The following LIPA variants were observed in gnomAD, a reference collection of about 807,000 sequenced individuals.
LIPA encodes the protein lysosomal acid lipase/cholesteryl ester hydrolase.
In LIPA, 26 loss-of-function variants were observed where a neutral mutation model predicts 40.6. The ratio of observed to expected loss-of-function variants is 0.64; its 90% CI spans 0.47 to 0.89. The LOEUF is 0.89. Ranked by LOEUF, LIPA falls within the 40% of genes least tolerant of loss-of-function variation. LIPA has a pLI of 0.00. For missense variants in LIPA, 455 were observed against 479.6 expected (o/e 0.95, Z 0.48); for synonymous variants, 188 against 168.4 (o/e 1.12, Z -0.90).
chr10:89,241,532 C>G (rs956323922), intron 3 of LIPA, among the ~76,000 whole-genome samples: 1 of 152,128 alleles, frequency 6.6e-6, no homozygotes, highest in African/African-American at 2.4e-5. Flanking sequence ...TAGAAATCAA[C>G]CAGAATTCTA....
chr10:89,333,861 A>G (rs528195354), intron 1 of LIPA, among the ~76,000 whole-genome samples: 6 of 152,310 alleles, frequency 3.9e-5, no homozygotes, highest in Admixed American at 2.0e-4. Flanking sequence ...CTGAATCCAG[A>G]TCTGCATTTT....
intron 1 of LIPA, among the ~76,000 whole-genome samples, chr10:89,323,992 G>C (rs143899879): frequency 6.6e-6 from 1 of 152,120 alleles, no homozygotes; most frequent in African/African-American, 2.4e-5. Flanking sequence ...AAAGAACAAA[G>C]CTGGAGGCAT....
At chr10:89,293,865 AG>A (rs375295158) in intron 1 of LIPA, among the ~76,000 whole-genome samples, 108 of 152,270 alleles carry the variant, frequency 7.1e-4, no homozygotes, top group African/African-American at 2.6e-3. Context: ...AGTTACGTTG[AG>A]GGTTAGGGCT....
intron 2 of LIPA, among the ~76,000 whole-genome samples, chr10:89,355,971 A>G (rs1050869610): frequency 6.6e-6 from 1 of 152,182 alleles, no homozygotes; most frequent in African/African-American, 2.4e-5. Context: ...GCATATAATC[A>G]AGAAATAACT....
chr10:89,339,365 C>G (rs1216085808), intron 1 of LIPA: 1 of 1,613,698 alleles, frequency 6.2e-7, no homozygotes, highest in African/African-American at 1.3e-5. Context: ...TTGGAAAAGT[C>G]TCCTTGCCAA....
Position 89,248,020 on chromosome 10 carries a change from A to G in LIPA, c.-1-371T>C, listed in dbSNP as rs554395008. ...GTAGCTGGGACAACAGGCACGCACCACCACGCCTGGCTAATTTTTGTATTT... is the reference window on the plus strand; with the variant it reads ...GTAGCTGGGACAACAGGCACGCACCGCCACGCCTGGCTAATTTTTGTATTT... On this transcript the variant is annotated intron_variant, in intron 1 of 9. Transcript: ENST00000336233. Among the ~76,000 whole-genome samples, 251 of 151,804 alleles carry G rather than the reference A, an allele frequency of 1.7e-3. 2 individuals are homozygous for G. The highest frequency in any genetic ancestry group is 5.7e-3 in the African/African-American group (237 of 41,356).
At chr10:89,242,010 A>T (rs1336567634) in intron 3 of LIPA, among the ~76,000 whole-genome samples, 1 of 152,150 alleles carries the variant, frequency 6.6e-6, no homozygotes, top group Non-Finnish European at 1.5e-5. Flanking sequence ...TCTAGAACAC[A>T]GGTTGCCAAA....
upstream of LIPA, chr10:89,414,627 G>C (rs1011966347): frequency 1.4e-5 from 8 of 561,842 alleles, no homozygotes; most frequent in Middle Eastern, 4.7e-4. Flanking sequence ...CTGGGGCTGG[G>C]GTCTCTCCTT....
chr10:89,353,391 A>T lies in LIPA; in HGVS notation c.61+59400T>A, dbSNP rs183014864. Among the ~76,000 whole-genome samples, 5 of 152,334 alleles carry T rather than the reference A, an allele frequency of 3.3e-5. No homozygotes were observed. In the East Asian group the frequency reaches 9.6e-4, roughly 29 times the overall value. On this transcript the variant is annotated intron_variant, in intron 2 of 8. Coordinates refer to the LIPA transcript ENST00000371837. ...CACAATTTCAGTAAACACACTGAGC[A>T]TGCAGCCCCAGCCCCTCCCAAGTGC...
rs1285275189 is a variant in LIPA at position 89,317,647 on chromosome 10, G to T, written c.-2+24964C>A. ...AACCAAGTTGGAAAACACTCTGCAG[G>T]ATATTATGCAGGAGAACTTCCCCAA... On this transcript the variant is annotated intron_variant, in intron 1 of 5. Transcript: ENST00000282673. 2.0e-5 allele frequency among the ~76,000 whole-genome samples: 3 copies of T among 152,208 alleles called. No homozygotes were observed. In the East Asian group the frequency reaches 5.8e-4, roughly 29 times the overall value.
intron 1 of LIPA, among the ~76,000 whole-genome samples, chr10:89,337,665 C>T (rs2133562699): frequency 1.3e-5 from 2 of 152,330 alleles, no homozygotes; most frequent in South Asian, 4.1e-4. Context: ...TCCCAAAGTG[C>T]TAGGACTACA....
At chr10:89,330,563 G>C (rs940892034) in intron 1 of LIPA, among the ~76,000 whole-genome samples, 3 of 152,194 alleles carry the variant, frequency 2.0e-5, no homozygotes, top group Non-Finnish European at 2.9e-5. Context: ...CCAGATCTTG[G>C]AGAAGGGTGA....
intron 2 of LIPA, among the ~76,000 whole-genome samples, chr10:89,394,596 A>T (rs1844308655): frequency 2.6e-4 from 4 of 15,496 alleles, no homozygotes; most frequent in African/African-American, 1.6e-3. Context: ...ATATATATAT[A>T]TATATATATA....
intron 1 of LIPA, chr10:89,340,948 C>G (rs1161625995): frequency 6.6e-6 from 1 of 152,150 alleles, no homozygotes; most frequent in African/African-American, 2.4e-5. Context: ...TACAATAAAT[C>G]CAAACATTTC....
chr10:89,380,895 T>C (rs750570533), intron 2 of LIPA, among the ~76,000 whole-genome samples: 7 of 152,166 alleles, frequency 4.6e-5, no homozygotes, highest in Non-Finnish European at 1.0e-4. Flanking sequence ...GTCAAGAAGA[T>C]ACATGTTGAT....
upstream of LIPA, among the ~76,000 whole-genome samples, chr10:89,343,813 C>T (rs1437916603): frequency 6.6e-6 from 1 of 152,216 alleles, no homozygotes; most frequent in African/African-American, 2.4e-5. Context: ...AGGAGCTACA[C>T]TCAGGAAGCT....
intron 1 of LIPA, among the ~76,000 whole-genome samples, chr10:89,328,461 T>C (rs924816016): frequency 4.6e-5 from 7 of 152,298 alleles, no homozygotes; most frequent in African/African-American, 1.7e-4. Flanking sequence ...CTCTTTTGGG[T>C]TTTTCTGTTA....
At chr10:89,384,101 G>A in intron 2 of LIPA, 1 of 1,614,144 alleles carries the variant, frequency 6.2e-7, no homozygotes, top group Non-Finnish European at 8.5e-7. Context: ...TTTTATCGAA[G>A]AAAAGGGTCT....
intron 2 of LIPA, among the ~76,000 whole-genome samples, chr10:89,350,585 G>A (rs1843953305): frequency 6.6e-6 from 1 of 151,988 alleles, no homozygotes; most frequent in African/African-American, 2.4e-5. Context: ...GATTATAGGT[G>A]TGAGCCACCG....
Sources: gnomAD v4.1 joint callset for allele counts (sites outside exome capture counted in the v4.1 genomes callset) on GRCh38, gnomAD v4.1.1 for gene constraint, MANE v1.5 for transcripts, NCBI Gene and HGNC (gene_info 2026-07-23, HGNC 2026-07-21) for gene names.